The following ADRA1B variants were observed in gnomAD, a reference collection of about 807,000 sequenced individuals.
The protein encoded by ADRA1B is alpha-1B adrenergic receptor.
ADRA1B carries 17 observed loss-of-function variants against 17.9 expected under a neutral mutation model. The ratio of observed to expected loss-of-function variants is 0.95; its 90% CI spans 0.65 to 1.42. The LOEUF (loss-of-function observed/expected upper bound fraction) is 1.42. Ranked by LOEUF, ADRA1B falls within the 40% of genes most tolerant of loss-of-function variation. The probability of loss-of-function intolerance (pLI) is 0.00; values close to 1 mark genes in which losing one functional copy is unlikely to be tolerated. For synonymous variants in ADRA1B, 366 were observed against 327.6 expected (o/e 1.12, Z -1.27); for missense variants, 681 against 722.1 (o/e 0.94, Z 0.65).
At chr5:159,881,648 T>C (rs1173782090) in intron 1 of ADRA1B, among the ~76,000 whole-genome samples, 1 of 152,158 alleles carries the variant, frequency 6.6e-6, no homozygotes. Context: ...ATTAGGCATC[T>C]CTTTAGCAAG....
intron 1 of ADRA1B, among the ~76,000 whole-genome samples, chr5:159,939,318 TGTGTGCGCGCGC>T (rs1321272515): frequency 1.0e-5 from 1 of 98,206 alleles, no homozygotes; most frequent in African/African-American, 3.6e-5. Flanking sequence ...TGTGTGTGTG[TGTGTGCGCGCGC>T]GCGCGCACAC....
In ADRA1B at chr5:159,972,500, G is replaced by A. The variant is rs1214594273; in HGVS notation, c.*8G>A. The A allele has an allele frequency of 2.2e-6, 3 of 1,360,042 alleles. No homozygotes were observed. Among genetic ancestry groups the A allele is most frequent in the South Asian group, 1.6e-5 (1 of 63,452 alleles). The allele number at this position is 1,360,042 out of a possible 1,614,324, so 84.2% of individuals were successfully genotyped here. A position where few individuals can be genotyped will look rare whatever the true frequency, so the allele number is the denominator to read the frequency against. ...GCGCCCGGGCAGTTTTAGGGCCCCC[G>A]TGCGCAGCTTTCTTTCCCTGGGGAG... is the stretch of plus-strand genomic sequence containing the variant. On this transcript the variant is annotated 3_prime_UTR_variant, in exon 2 of 2. Transcript: ENST00000306675.
intron 1 of ADRA1B, among the ~76,000 whole-genome samples, chr5:159,935,292 T>C (rs1417284104): frequency 6.6e-6 from 1 of 152,216 alleles, no homozygotes; most frequent in African/African-American, 2.4e-5. Flanking sequence ...CGGTCATGTT[T>C]CTTTCTTTTT....
At chr5:159,916,284 G>A (rs1374223914), upstream of ADRA1B, 6 of 152,100 alleles carry the variant, frequency 3.9e-5, no homozygotes, top group Non-Finnish European at 8.8e-5. Flanking sequence ...CCACGCCCAG[G>A]TCCCGCCCTC....
At chr5:159,915,302 G>T (rs1486889905), upstream of ADRA1B, among the ~76,000 whole-genome samples, 1 of 152,156 alleles carries the variant, frequency 6.6e-6, no homozygotes, top group Non-Finnish European at 1.5e-5. Flanking sequence ...CCATAATTTG[G>T]TGTCTCATCC....
At chr5:159,913,760 A>G (rs1754251480), upstream of ADRA1B, among the ~76,000 whole-genome samples, 1 of 152,168 alleles carries the variant, frequency 6.6e-6, no homozygotes, top group Non-Finnish European at 1.5e-5. Flanking sequence ...ACACAGCCTC[A>G]GTAAATTCAA....
At chr5:159,896,068 T>G (rs1173076514) in intron 1 of ADRA1B, among the ~76,000 whole-genome samples, 2 of 152,236 alleles carry the variant, frequency 1.3e-5, no homozygotes, top group Non-Finnish European at 2.9e-5. Flanking sequence ...TATATTGGTA[T>G]CTACCCAGAA....
chr5:159,983,343 C>T, the ADRA1B span, among the ~76,000 whole-genome samples: 1 of 152,210 alleles, frequency 6.6e-6, no homozygotes, highest in Non-Finnish European at 1.5e-5. Flanking sequence ...CATCCCCACC[C>T]GGAAAACTCC....
downstream of ADRA1B, among the ~76,000 whole-genome samples, chr5:159,973,151 G>T (rs1279283330): frequency 6.6e-6 from 1 of 152,190 alleles, no homozygotes; most frequent in Non-Finnish European, 1.5e-5. Flanking sequence ...CCCCAGAAGA[G>T]CCGCTCTCAC....
At chr5:159,923,057 G>A (rs1217610823) in intron 1 of ADRA1B, among the ~76,000 whole-genome samples, 1 of 152,262 alleles carries the variant, frequency 6.6e-6, no homozygotes, top group African/African-American at 2.4e-5. Flanking sequence ...GCTGATAGAG[G>A]AAGAAAAGTG....
At position 159,946,105 on chromosome 5, in the gene ADRA1B, G is replaced by C. The variant is rs149985904; in HGVS notation, c.950-25774G>C. 1.9e-3 allele frequency among the ~76,000 whole-genome samples: 288 copies of C among 152,304 alleles called. 2 individuals carry two copies. The highest frequency in any genetic ancestry group is 1.5e-3 in the Non-Finnish European group (99 of 68,020). On this transcript the variant is annotated intron_variant, in intron 1 of 1. Coordinates refer to ENST00000306675, the MANE Select transcript of ADRA1B (RefSeq NM_000679.4). ...TGGAGGATGGATTGTAGAGGCTTAA[G>C]GGTAGAGACAGGGAAGTCAGTTGTG...
chr5:159,885,393 C>T (rs889100273), intron 1 of ADRA1B, among the ~76,000 whole-genome samples: 1 of 152,296 alleles, frequency 6.6e-6, no homozygotes, highest in East Asian at 1.9e-4. Context: ...CAAATGCTGC[C>T]TACCAGTGAT....
chr5:159,987,939 G>A, the ADRA1B span, among the ~76,000 whole-genome samples: 1 of 152,124 alleles, frequency 6.6e-6, no homozygotes, highest in East Asian at 1.9e-4. Context: ...CCCTCGGCCG[G>A]CCGCCCAAAA....
At chr5:159,898,098 G>A (rs938726102) in intron 1 of ADRA1B, among the ~76,000 whole-genome samples, 1 of 152,256 alleles carries the variant, frequency 6.6e-6, no homozygotes, top group African/African-American at 2.4e-5. Flanking sequence ...GCCCTGGCAA[G>A]CCTGATCTGT....
At chr5:159,977,518 C>G (rs1755991466), downstream of ADRA1B, among the ~76,000 whole-genome samples, 1 of 152,148 alleles carries the variant, frequency 6.6e-6, no homozygotes, top group Admixed American at 6.5e-5. Context: ...AGGAGGTTGC[C>G]CCCCAAGATT....
At chr5:159,907,449 TTATTTG>T (rs1431719472) in intron 1 of ADRA1B, among the ~76,000 whole-genome samples, 1 of 152,222 alleles carries the variant, frequency 6.6e-6, no homozygotes, top group Non-Finnish European at 1.5e-5. Flanking sequence ...TTAGCTGTTA[TTATTTG>T]TATTGTTGTT....
the ADRA1B span, among the ~76,000 whole-genome samples, chr5:159,986,659 G>A: frequency 1.9e-3 from 295 of 152,290 alleles, 2 homozygotes; most frequent in African/African-American, 6.7e-3. Context: ...ATAAGACCCA[G>A]TAATCTGCGT....
chr5:159,917,645 A>G lies in ADRA1B; in HGVS notation c.740A>G (p.Asn247Ser), dbSNP rs1003066551. Residue 247 changes from asparagine to serine, a missense_variant, in exon 1 of 2, where the codon AAC becomes AGC. This residue lies in a region of ADRA1B where 424 missense variants were observed against 480.2 expected (regional missense o/e 0.88). Transcript: ENST00000306675. ...GCAGGAGTCATGAAGGAGATGTCCA[A>G]CTCCAAGGAGCTGACCCTGAGGATC... ...LEAGVMKEMS[N>S]SKELTLRIHS... The G allele has an allele frequency of 7.4e-6, 12 of 1,613,732 alleles. No homozygotes were observed. Among genetic ancestry groups the G allele is most frequent in the African/African-American group, 6.7e-5 (5 of 74,776 alleles).
At chr5:159,869,793 C>T (rs558933489) in intron 1 of ADRA1B, 8 of 152,294 alleles carry the variant, frequency 5.3e-5, no homozygotes, top group African/African-American at 1.7e-4. Flanking sequence ...ATAATAATCG[C>T]TCCTGCTTCA....
Sources: gnomAD v4.1 joint callset for allele counts (sites outside exome capture counted in the v4.1 genomes callset) on GRCh38, gnomAD v4.1.1 for gene constraint, gnomAD v4.1.1 regional missense constraint, MANE v1.5 for transcripts, NCBI Gene and HGNC (gene_info 2026-07-23, HGNC 2026-07-21) for gene names.